IL19: variants seen among roughly 807,000 people sequenced by gnomAD.
IL19 encodes interleukin 19.
A neutral mutation model predicts 19.5 loss-of-function variants in IL19; 15 were observed. That is an observed-to-expected ratio of 0.77 (90% CI 0.52 to 1.19). The LOEUF (loss-of-function observed/expected upper bound fraction) is 1.19, where lower values mean the gene tolerates loss of function less well. Ranked by LOEUF, IL19 falls within the 50% of genes most tolerant of loss-of-function variation. The pLI is 0.00. For synonymous variants in IL19, 78 were observed against 78.3 expected (o/e 1.00, Z 0.02); for missense variants, 199 against 213.1 (o/e 0.93, Z 0.41).
chr1:206,812,490 A>T (rs1676040379), intron 2 of IL19, among the ~76,000 whole-genome samples: 1 of 152,214 alleles, frequency 6.6e-6, no homozygotes, highest in African/African-American at 2.4e-5. Context: ...TACCAAAGTG[A>T]AATTGGATTG....
intron 2 of IL19, among the ~76,000 whole-genome samples, chr1:206,824,360 T>C (rs962654687): frequency 3.9e-5 from 6 of 152,196 alleles, no homozygotes; most frequent in Admixed American, 2.6e-4. Flanking sequence ...TAATGCTATA[T>C]GTGAAAAATG....
chr1:206,826,600 C>T (rs1676439712), intron 2 of IL19, among the ~76,000 whole-genome samples: 1 of 152,222 alleles, frequency 6.6e-6, no homozygotes, highest in South Asian at 2.1e-4. Context: ...TCTCCTCCTC[C>T]CAGGGCTCTG....
chr1:206,797,427 C>T (rs1367308534), intron 1 of IL19, among the ~76,000 whole-genome samples: 1 of 152,008 alleles, frequency 6.6e-6, no homozygotes, highest in South Asian at 2.1e-4. Context: ...TTTACACATC[C>T]CCCACCTCCG....
chr1:206,837,347 C>G (rs373880691), intron 4 of IL19, among the ~76,000 whole-genome samples: 2 of 151,836 alleles, frequency 1.3e-5, no homozygotes, highest in Non-Finnish European at 1.5e-5. Flanking sequence ...TGACTTAACC[C>G]GAGGAGGTTG....
chr1:206,778,240 T>G (rs1172105071), intron 1 of IL19, among the ~76,000 whole-genome samples: 1 of 152,222 alleles, frequency 6.6e-6, no homozygotes, highest in Non-Finnish European at 1.5e-5. Context: ...TGTGCAACTA[T>G]GGCACCAAAT....
chr1:206,840,098 T>G, intron 5 of IL19, 96 bp downstream of exon 5: 1 of 1,375,762 alleles, frequency 7.3e-7, no homozygotes, highest in Non-Finnish European at 1.0e-6. Flanking sequence ...ATATGGTGCT[T>G]GGAGTCAAAG....
At chr1:206,778,475 G>A (rs1296470251) in intron 1 of IL19, among the ~76,000 whole-genome samples, 6 of 152,176 alleles carry the variant, frequency 3.9e-5, no homozygotes, top group South Asian at 4.2e-4. Context: ...CCTCTGGTGC[G>A]CTTTAGTTTG....
At position 206,833,839 on chromosome 1, in the gene IL19, G is replaced by A. The variant is rs757092883; in HGVS notation, c.-2-2822G>A. On this transcript the variant is annotated intron_variant, in intron 2 of 6. Transcript: ENST00000659997. ...GAGGGGAAAAAGTGTTCCTCATGAA[G>A]TTCAACAAAATGATGCAGGTAAAGC... 5 of 985,488 alleles carry A rather than the reference G, an allele frequency of 5.1e-6. No individual in the cohort carries two copies. The African/African-American group carries it at 7.0e-5, about 14-fold the overall frequency. 61.0% of individuals were successfully genotyped at this position (985,488 alleles called of 1,614,324 possible). A position where few individuals can be genotyped will look rare whatever the true frequency, so the allele number is the denominator to read the frequency against.
intron 6 of IL19, 79 bp from the exon 7 acceptor site, chr1:206,842,448 A>G: frequency 1.2e-6 from 1 of 815,632 alleles, no homozygotes. Flanking sequence ...CCTTGTGGGA[A>G]CCAGCATATG....
chr1:206,790,561 GC>G (rs1441368813), intron 1 of IL19, among the ~76,000 whole-genome samples: 2 of 152,194 alleles, frequency 1.3e-5, no homozygotes, highest in Non-Finnish European at 2.9e-5. Flanking sequence ...TTTCCCCAGA[GC>G]CAACGGCCTG....
chr1:206,789,174 C>T (rs751016630), intron 1 of IL19, among the ~76,000 whole-genome samples: 6 of 152,194 alleles, frequency 3.9e-5, no homozygotes, highest in Non-Finnish European at 7.3e-5. Flanking sequence ...TCCTGGCATT[C>T]CATGAAGGTT....
At chr1:206,775,294 C>T (rs6703630) in intron 1 of IL19, among the ~76,000 whole-genome samples, 36,432 of 151,876 alleles carry the variant, frequency 0.24, 4,720 homozygotes, top group Non-Finnish European at 0.27. Context: ...CCTTATGATC[C>T]GCCCGCCTTG....
intron 1 of IL19, among the ~76,000 whole-genome samples, chr1:206,779,638 G>T (rs1026145127): frequency 6.6e-6 from 1 of 152,172 alleles, no homozygotes; most frequent in Non-Finnish European, 1.5e-5. Context: ...TCATGACTCT[G>T]TTGCTACTTG....
At chr1:206,829,316 C>T (rs1044482050) in intron 2 of IL19, among the ~76,000 whole-genome samples, 3 of 151,882 alleles carry the variant, frequency 2.0e-5, no homozygotes, top group Admixed American at 1.3e-4. Context: ...TTGTATCCAG[C>T]GGGAATATAA....
rs1044386333 is a variant in IL19, at chr1:206,840,900, T to A, written c.364-104T>A. Reference sequence around the variant, plus strand: ...CTGAGTTTACTCATCTGACTCTCACTGTGGGAGGGAGGAGAAATGTCACTT... The same window carrying A: ...CTGAGTTTACTCATCTGACTCTCACAGTGGGAGGGAGGAGAAATGTCACTT... On this transcript the variant is annotated intron_variant, in intron 5 of 6. Transcript: ENST00000659997. 68 of 903,950 alleles carry A rather than the reference T, an allele frequency of 7.5e-5. No homozygotes were observed. The African/African-American group carries it at 9.8e-4, about 13-fold the overall frequency. 56.0% of individuals were successfully genotyped at this position (903,950 alleles called of 1,614,324 possible).
At chr1:206,775,817 A>G (rs1437223769) in intron 1 of IL19, among the ~76,000 whole-genome samples, 3 of 152,226 alleles carry the variant, frequency 2.0e-5, no homozygotes, top group Admixed American at 2.0e-4. Context: ...GAGCCCATGA[A>G]GAGAGGGAAG....
intron 3 of IL19, 43 bp from the exon 4 acceptor site, chr1:206,836,915 G>A (rs1392243865): frequency 6.2e-7 from 1 of 1,601,594 alleles, no homozygotes; most frequent in Admixed American, 1.7e-5. Flanking sequence ...GAAGAACATA[G>A]GATACCGATT....
chr1:206,771,919 A>T (rs749593968), intron 1 of IL19, among the ~76,000 whole-genome samples: 83 of 152,156 alleles, frequency 5.5e-4, no homozygotes, highest in Non-Finnish European at 4.6e-4. Context: ...GGCAATTTAA[A>T]TTTCCCTGCT....
chr1:206,799,780 A>G (rs968567862), intron 2 of IL19, among the ~76,000 whole-genome samples: 1 of 152,196 alleles, frequency 6.6e-6, no homozygotes, highest in Non-Finnish European at 1.5e-5. Context: ...CAGGGTGGAA[A>G]ACATCATCAA....
Sources: allele counts gnomAD v4.1 joint callset (sites outside exome capture counted in the v4.1 genomes callset), GRCh38; gene constraint gnomAD v4.1.1; transcripts MANE v1.5; gene names NCBI Gene and HGNC (gene_info 2026-07-23, HGNC 2026-07-21).